Variants in HIBADH observed in about 807,000 individuals in gnomAD.
HIBADH encodes 3-hydroxyisobutyrate dehydrogenase, mitochondrial.
A neutral mutation model predicts 36.1 loss-of-function variants in HIBADH; 25 were observed. The ratio of observed to expected loss-of-function variants is 0.69; its 90% CI spans 0.50 to 0.97. The LOEUF (loss-of-function observed/expected upper bound fraction) is 0.97, where lower values mean the gene tolerates loss of function less well. Ranked by LOEUF, HIBADH falls within the 50% of genes least tolerant of loss-of-function variation. The pLI is 0.00. For missense variants in HIBADH, 421 were observed against 418.0 expected (o/e 1.01, Z -0.06); for synonymous variants, 160 against 149.5 (o/e 1.07, Z -0.51).
chr7:27,565,600 A>G (rs1326987519), intron 4 of HIBADH, among the ~76,000 whole-genome samples: 1 of 152,178 alleles, frequency 6.6e-6, no homozygotes, highest in Admixed American at 6.5e-5. Context: ...TACATGGACA[A>G]TCATGTCATT....
At chr7:27,544,463 C>A (rs1202806028) in intron 4 of HIBADH, among the ~76,000 whole-genome samples, 3 of 152,094 alleles carry the variant, frequency 2.0e-5, no homozygotes, top group African/African-American at 4.8e-5. Context: ...ATACAAAAAC[C>A]CAATTTATAA....
chr7:27,613,085 T>A (rs1785353377), intron 4 of HIBADH, among the ~76,000 whole-genome samples: 1 of 121,952 alleles, frequency 8.2e-6, no homozygotes, highest in Non-Finnish European at 1.7e-5. Flanking sequence ...ATATAAAAAT[T>A]ATATAAATTA....
intron 4 of HIBADH, among the ~76,000 whole-genome samples, chr7:27,599,870 G>A (rs1007547541): frequency 2.7e-5 from 4 of 150,762 alleles, no homozygotes; most frequent in Non-Finnish European, 5.9e-5. Context: ...TGTATATATT[G>A]TCTTATAATC....
chr7:27,553,147 G>GCA (rs1379454219), intron 4 of HIBADH, among the ~76,000 whole-genome samples: 3 of 152,130 alleles, frequency 2.0e-5, no homozygotes, highest in Non-Finnish European at 4.4e-5. Context: ...ACAAAGCTGA[G>GCA]ATTCTTCAAA....
At chr7:27,588,460 C>T (rs548019930) in intron 4 of HIBADH, among the ~76,000 whole-genome samples, 2 of 152,256 alleles carry the variant, frequency 1.3e-5, no homozygotes, top group East Asian at 3.9e-4. Flanking sequence ...TCCCGAGTAG[C>T]TGGACTACAG....
intron 4 of HIBADH, among the ~76,000 whole-genome samples, chr7:27,571,497 C>A (rs1562625875): frequency 1.3e-5 from 2 of 152,098 alleles, no homozygotes; most frequent in Non-Finnish European, 2.9e-5. Context: ...AGTGCTGGGA[C>A]TACAGGCATG....
At chr7:27,599,794 GT>G (rs567410239) in intron 4 of HIBADH, among the ~76,000 whole-genome samples, 2 of 149,842 alleles carry the variant, frequency 1.3e-5, no homozygotes, top group East Asian at 3.9e-4. Flanking sequence ...TTTAAGGGAA[GT>G]TTTTTTTCTT....
At chr7:27,564,525 T>C (rs1222102477) in intron 4 of HIBADH, among the ~76,000 whole-genome samples, 4 of 152,228 alleles carry the variant, frequency 2.6e-5, no homozygotes, top group Admixed American at 1.3e-4. Context: ...CTGATCTCTA[T>C]GTCTTTCACT....
chr7:27,538,739 G>A (rs564592301), intron 5 of HIBADH, among the ~76,000 whole-genome samples: 147 of 152,236 alleles, frequency 9.7e-4, no homozygotes, highest in African/African-American at 3.5e-3. Flanking sequence ...AATTGGAAAT[G>A]GGAGTAATAT....
chr7:27,534,192 C>T (rs1784040512), intron 6 of HIBADH, among the ~76,000 whole-genome samples: 1 of 152,088 alleles, frequency 6.6e-6, no homozygotes, highest in South Asian at 2.1e-4. Flanking sequence ...AAACATTTGC[C>T]TTCACTGTAA....
In HIBADH at chr7:27,606,762, T is replaced by C. The variant is rs553904588; in HGVS notation, c.484+22609A>G. On this transcript the variant is annotated intron_variant, in intron 4 of 7. Coordinates refer to ENST00000265395, the MANE Select transcript of HIBADH (RefSeq NM_152740.4). ...CTCTACTAAAAGTGATGTAATAATA[T>C]AAACTAATTAACCATAGTTTTAGGT... is the stretch of plus-strand genomic sequence containing the variant. 2.2e-3 allele frequency among the ~76,000 whole-genome samples: 337 copies of C among 152,394 alleles called. 2 individuals carry two copies. The highest frequency in any genetic ancestry group is 7.7e-3 in the African/African-American group (319 of 41,600).
chr7:27,641,840 T>C (rs1785966607), intron 2 of HIBADH, among the ~76,000 whole-genome samples: 2 of 151,824 alleles, frequency 1.3e-5, no homozygotes, highest in African/African-American at 2.4e-5. Flanking sequence ...TCTCACTTCA[T>C]TCATCTGAAT....
chr7:27,632,298 T>C (rs1034230957), intron 3 of HIBADH, 38 bp downstream of exon 3: 9 of 1,315,434 alleles, frequency 6.8e-6, no homozygotes, highest in Admixed American at 3.4e-5. Context: ...TCATGAACTA[T>C]CATAACAAGA....
intron 4 of HIBADH, among the ~76,000 whole-genome samples, chr7:27,614,473 CT>C (rs1270387636): frequency 2.0e-5 from 3 of 152,158 alleles, no homozygotes; most frequent in African/African-American, 7.2e-5. Flanking sequence ...AGAAAAGATT[CT>C]TGATTCAACC....
At chr7:27,527,917 C>CTTT (rs1562609863) in intron 7 of HIBADH, among the ~76,000 whole-genome samples, 2,391 of 76,992 alleles carry the variant, frequency 0.031, 855 homozygotes, top group African/African-American at 0.12. Flanking sequence ...CCACACCCAG[C>CTTT]GTTTTTTTTT....
chr7:27,662,108 CA>C (rs1786434373), intron 1 of HIBADH, among the ~76,000 whole-genome samples: 1 of 152,162 alleles, frequency 6.6e-6, no homozygotes, highest in Non-Finnish European at 1.5e-5. Context: ...ACAAAAATGA[CA>C]TTTTTTTAGG....
rs180774741 is a variant in HIBADH, at chr7:27,660,040, G to A, written c.91+2658C>T. Among the ~76,000 whole-genome samples the A allele has an allele frequency of 3.3e-3, 506 of 152,244 alleles. 3 individuals carry two copies. The highest frequency in any genetic ancestry group is 0.011 in the African/African-American group (476 of 41,548). On this transcript the variant is annotated intron_variant, in intron 1 of 7. Coordinates refer to ENST00000265395, the MANE Select transcript of HIBADH (RefSeq NM_152740.4). The stretch of plus-strand genomic sequence containing the variant: ...CATTGTACTCCTGCCTGGACAACAC[G>A]GGGAGACCTGTCTCTAAAATGTATT...
intron 4 of HIBADH, among the ~76,000 whole-genome samples, chr7:27,583,351 T>C (rs933383223): frequency 3.9e-5 from 6 of 152,038 alleles, no homozygotes; most frequent in Non-Finnish European, 4.4e-5. Flanking sequence ...TGGCCAATGT[T>C]ACAAAACTAG....
chr7:27,631,449 CCT>C (rs1459519211), intron 3 of HIBADH, among the ~76,000 whole-genome samples: 1 of 152,130 alleles, frequency 6.6e-6, no homozygotes, highest in Non-Finnish European at 1.5e-5. Flanking sequence ...GAAATTACAC[CCT>C]TTCTTTTAGC....
Sources: gnomAD v4.1 joint callset for allele counts (sites outside exome capture counted in the v4.1 genomes callset) on GRCh38, gnomAD v4.1.1 for gene constraint, MANE v1.5 for transcripts, NCBI Gene and HGNC (gene_info 2026-07-23, HGNC 2026-07-21) for gene names.